CTNNA2: variants seen among roughly 807,000 people sequenced by gnomAD.
The protein encoded by CTNNA2 is catenin alpha-2.
In CTNNA2, 42 loss-of-function variants were observed where a neutral mutation model predicts 101.0. The observed-to-expected ratio is 0.42, with a 90% confidence interval of 0.32 to 0.54. The LOEUF is 0.54. CTNNA2 is among the 20% of genes least tolerant of loss of function. The pLI is 0.14. For missense variants in CTNNA2, 871 were observed against 1,223.1 expected, an observed-to-expected ratio of 0.71 and a Z score of 4.29; for synonymous variants, 450 against 456.4, an observed-to-expected ratio of 0.99 and a Z score of 0.18.
At chr2:79,769,554 C>A (rs1673424224) in intron 3 of CTNNA2, among the ~76,000 whole-genome samples, 1 of 152,092 alleles carries the variant, frequency 6.6e-6, no homozygotes, top group Non-Finnish European at 1.5e-5. Context: ...CTAATTTAGC[C>A]CTTAGTAAAG....
intron 7 of CTNNA2, among the ~76,000 whole-genome samples, chr2:79,926,679 G>T (rs1403441044): frequency 6.6e-6 from 1 of 151,890 alleles, no homozygotes; most frequent in African/African-American, 2.4e-5. Context: ...TTGCTGACAA[G>T]GGTAAGGGCA....
chr2:79,346,493 T>A (rs1219745590), intron 3 of CTNNA2, among the ~76,000 whole-genome samples: 1 of 152,310 alleles, frequency 6.6e-6, no homozygotes, highest in East Asian at 1.9e-4. Flanking sequence ...CAACCCTGTA[T>A]GTCCTATTGA....
intron 2 of CTNNA2, among the ~76,000 whole-genome samples, chr2:79,657,291 A>G (rs1015940427): frequency 6.6e-6 from 1 of 151,934 alleles, no homozygotes; most frequent in African/African-American, 2.4e-5. Flanking sequence ...TAAAAGAAGT[A>G]TAGTAGAATA....
At position 80,215,497 on chromosome 2, in the gene CTNNA2, G is replaced by A. The variant is rs1298304319; in HGVS notation, c.1057-177714G>A. 3.3e-5 allele frequency among the ~76,000 whole-genome samples: 5 copies of A among 152,350 alleles called. No homozygotes were observed. The East Asian group carries it at 9.7e-4, about 29-fold the overall frequency. On this transcript the variant is annotated intron_variant, in intron 7 of 18. Coordinates refer to ENST00000402739, the MANE Select transcript of CTNNA2 (RefSeq NM_001282597.3). The stretch of plus-strand genomic sequence containing the variant: ...CTTCTAACAGTCAGGACCCTCAGCT[G>A]CAGGTCTGTTGGAGTTTGCTGGAGG...
intron 9 of CTNNA2, among the ~76,000 whole-genome samples, chr2:80,470,092 G>A (rs1184153439): frequency 1.3e-5 from 2 of 152,044 alleles, no homozygotes; most frequent in Non-Finnish European, 2.9e-5. Context: ...GGCCAAGGGA[G>A]CATGCTCATT....
intron 7 of CTNNA2, among the ~76,000 whole-genome samples, chr2:80,091,810 T>C (rs1368775529): frequency 2.6e-5 from 4 of 151,766 alleles, no homozygotes; most frequent in Admixed American, 6.6e-5. Flanking sequence ...AATCAATCAG[T>C]TGATTTCAAG....
At chr2:79,462,311 G>T (rs777725627) in intron 4 of CTNNA2, among the ~76,000 whole-genome samples, 2 of 152,124 alleles carry the variant, frequency 1.3e-5, no homozygotes, top group East Asian at 1.9e-4. Flanking sequence ...AAAAACACAG[G>T]CATGCTCCTC....
chr2:80,208,433 T>A (rs2149030631), intron 7 of CTNNA2, among the ~76,000 whole-genome samples: 1 of 152,302 alleles, frequency 6.6e-6, no homozygotes, highest in African/African-American at 2.4e-5. Flanking sequence ...ACTATACTGC[T>A]AACAATTATA....
At chr2:79,781,023 A>G (rs1221327955) in intron 3 of CTNNA2, among the ~76,000 whole-genome samples, 2 of 152,228 alleles carry the variant, frequency 1.3e-5, no homozygotes, top group Non-Finnish European at 2.9e-5. Context: ...ATTCAGGTCA[A>G]GTCCATAGAG....
intron 7 of CTNNA2, among the ~76,000 whole-genome samples, chr2:80,067,051 C>T (rs1698033165): frequency 6.6e-6 from 1 of 152,034 alleles, no homozygotes. Flanking sequence ...CTCATAGAAG[C>T]AGAGAATAGA....
intron 9 of CTNNA2, among the ~76,000 whole-genome samples, chr2:80,497,700 CAGAG>C (rs1573042567): frequency 6.6e-6 from 1 of 152,154 alleles, no homozygotes; most frequent in African/African-American, 2.4e-5. Context: ...TCTTAACTGA[CAGAG>C]AGAAACTCTC....
At chr2:79,746,967 G>T (rs1671691695) in intron 3 of CTNNA2, among the ~76,000 whole-genome samples, 1 of 152,128 alleles carries the variant, frequency 6.6e-6, no homozygotes, top group African/African-American at 2.4e-5. Flanking sequence ...ATTAAGAGGT[G>T]AATGAATGGT....
rs1325417326 is a variant in CTNNA2, at chr2:79,593,888, T to G, written c.-5-57664T>G. Among the ~76,000 whole-genome samples the G allele has an allele frequency of 5.5e-3, 656 of 119,652 alleles. 6 individuals are homozygous for G. Among genetic ancestry groups the G allele is most frequent in the African/African-American group, 0.021 (633 of 30,516 alleles). 78.5% of individuals were successfully genotyped at this position (119,652 alleles called of 152,430 possible). A position where few individuals can be genotyped will look rare whatever the true frequency, so the allele number is the denominator to read the frequency against. On this transcript the variant is annotated intron_variant, in intron 1 of 18. Coordinates refer to ENST00000402739, the MANE Select transcript of CTNNA2 (RefSeq NM_001282597.3). ...GTGCTGCCTTTCTTTTAGTTTTTTT[T>G]TTTTTTTTTTTTTTTTTGAGATGGA...
At chr2:79,497,372 A>G (rs1671268081) in intron 4 of CTNNA2, among the ~76,000 whole-genome samples, 1 of 152,082 alleles carries the variant, frequency 6.6e-6, no homozygotes, top group Non-Finnish European at 1.5e-5. Context: ...TTGGCTATTC[A>G]TATTACTGTA....
chr2:79,409,888 G>C (rs76373272), intron 4 of CTNNA2, among the ~76,000 whole-genome samples: 2 of 151,812 alleles, frequency 1.3e-5, no homozygotes, highest in Non-Finnish European at 2.9e-5. Context: ...ATATTACCTT[G>C]GGCAGTATGG....
intron 1 of CTNNA2, among the ~76,000 whole-genome samples, chr2:79,188,318 T>C (rs1470447508): frequency 6.6e-6 from 1 of 152,182 alleles, no homozygotes; most frequent in Non-Finnish European, 1.5e-5. Flanking sequence ...TTTTCCTAAA[T>C]TGGTCGTGCT....
intron 2 of CTNNA2, among the ~76,000 whole-genome samples, chr2:79,728,507 G>T (rs939774243): frequency 2.0e-5 from 3 of 152,096 alleles, no homozygotes; most frequent in East Asian, 1.9e-4. Flanking sequence ...TGCGAAAATT[G>T]TCTCCCATTT....
chr2:79,710,809 A>G (rs1289034665), intron 2 of CTNNA2, among the ~76,000 whole-genome samples: 1 of 152,122 alleles, frequency 6.6e-6, no homozygotes, highest in Non-Finnish European at 1.5e-5. Context: ...AACATCCTCT[A>G]CTTTCAGAGA....
In CTNNA2 at chr2:79,454,771, T is replaced by C. The variant is rs73938703; in HGVS notation, c.-134-50283T>C. Among the ~76,000 whole-genome samples, 1,190 of 152,282 alleles carry C rather than the reference T, an allele frequency of 7.8e-3. 12 individuals carry two copies. Among genetic ancestry groups the C allele is most frequent in the African/African-American group, 0.028 (1,157 of 41,564 alleles). On this transcript the variant is annotated intron_variant, in intron 4 of 21. Transcript: ENST00000466387. ...ATAATCAGGTTGCCATTTTATTAAATAAGTAGAAACAAAATTGTCTTGAAG... is the reference window on the plus strand; with the variant it reads ...ATAATCAGGTTGCCATTTTATTAAACAAGTAGAAACAAAATTGTCTTGAAG...
Sources: gnomAD v4.1 joint callset for allele counts (sites outside exome capture counted in the v4.1 genomes callset) on GRCh38, gnomAD v4.1.1 for gene constraint, MANE v1.5 for transcripts, NCBI Gene and HGNC (gene_info 2026-07-23, HGNC 2026-07-21) for gene names.